The following C2orf81 variants were observed in gnomAD, a reference collection of about 807,000 sequenced individuals.
C2orf81 encodes uncharacterized protein C2orf81.
Under a neutral mutation model 7.9 loss-of-function variants are expected in C2orf81, and 5 were observed. That is an observed-to-expected ratio of 0.63 (90% CI 0.33 to 1.33). The LOEUF (loss-of-function observed/expected upper bound fraction) is 1.33, where lower values mean the gene tolerates loss of function less well. Among genes scored for constraint, C2orf81 ranks in the 40% most tolerant of loss-of-function variants. The probability of loss-of-function intolerance (pLI) is 0.05; values close to 1 mark genes in which losing one functional copy is unlikely to be tolerated. For missense variants in C2orf81, 781 were observed against 830.4 expected (o/e 0.94, Z 0.73); for synonymous variants, 346 against 367.4 (o/e 0.94, Z 0.66).
Position 74,414,533 on chromosome 2 carries a change from C to A in C2orf81, c.1644G>T (p.Pro548=), listed in dbSNP as rs1473208486. ...DPGRWPRTTP[P]VLEATSQVMW... ...TCACCTGGGAAGTGGCTTCAAGGAC[C>A]GGGGGTGTGGTTCGAGGCCATCTGC... Residue 548 remains proline, a synonymous_variant, in exon 3 of 3, where the codon CCG becomes CCT. Transcript: ENST00000684111. This position sits in a 1 kb window ranked among gnomAD's most constrained non-coding sequence, Gnocchi z 5.3. 2 of 1,543,734 alleles carry A rather than the reference C, an allele frequency of 1.3e-6. No individual in the cohort carries two copies. Among genetic ancestry groups the A allele is most frequent in the Non-Finnish European group, 8.8e-7 (1 of 1,141,808 alleles).
Position 74,414,227 on chromosome 2 carries a change from C to A in C2orf81, c.*102G>T. On this transcript the variant is annotated 3_prime_UTR_variant, in exon 3 of 3. Transcript: ENST00000684111. The surrounding 1 kb of genome is among the most constrained non-coding windows in gnomAD (Gnocchi z 5.3). Reference sequence around the variant, plus strand: ...TATTTCTGGCTAGCAGAGGGAGGGACCAGTTACTACTGCCAGAGGCTCAGG... The same window carrying A: ...TATTTCTGGCTAGCAGAGGGAGGGAACAGTTACTACTGCCAGAGGCTCAGG... 1 of 1,190,534 alleles carries A rather than the reference C, an allele frequency of 8.4e-7. No homozygotes were observed. The highest frequency in any genetic ancestry group is 1.1e-6 in the Non-Finnish European group (1 of 903,814). 73.7% of individuals were successfully genotyped at this position (1,190,534 alleles called of 1,614,324 possible). A position where few individuals can be genotyped will look rare whatever the true frequency, so the allele number is the denominator to read the frequency against.
At chr2:74,418,919 G>A (rs1676535062) in intron 1 of C2orf81, among the ~76,000 whole-genome samples, 2 of 151,168 alleles carry the variant, frequency 1.3e-5, no homozygotes, top group Admixed American at 6.6e-5. Context: ...AGTGGCTCAC[G>A]CCTGTAATCC....
At chr2:74,418,535 C>T in intron 1 of C2orf81, 1 of 839,718 alleles carries the variant, frequency 1.2e-6, no homozygotes, top group Non-Finnish European at 2.0e-6. Flanking sequence ...TTGCCGGGAG[C>T]AGCGGTGCTG....
rs1676378580 is a variant in C2orf81, at chr2:74,414,425, G to A, written c.1752C>T (p.Leu584=). 1.3e-6 allele frequency: 2 copies of A among 1,550,614 alleles called. No homozygotes were observed. The highest frequency in any genetic ancestry group is 1.7e-6 in the Non-Finnish European group (2 of 1,146,362). The change falls in exon 3 of 3, where the codon CTC becomes CTT. Residue 584 remains leucine (L), a synonymous_variant. Coordinates refer to ENST00000684111, the MANE Select transcript of C2orf81 (RefSeq NM_001316764.3). This position sits in a 1 kb window ranked among gnomAD's most constrained non-coding sequence, Gnocchi z 5.3. ...CCTCTTGTTCAGGCACACCAGAGCTGAGCAACACCTGGGTGCTCCGGTTCC... is the reference window on the plus strand; with the variant it reads ...CCTCTTGTTCAGGCACACCAGAGCTAAGCAACACCTGGGTGCTCCGGTTCC... ...SMWNRSTQVL[L]SSGVPEQEDK...
At position 74,417,894 on chromosome 2, in the gene C2orf81, C is replaced by T. The variant is rs372687787; in HGVS notation, c.19-1653G>A. Among the ~76,000 whole-genome samples, 147 of 84,324 alleles carry T rather than the reference C, an allele frequency of 1.7e-3. 1 individual carries two copies. Among genetic ancestry groups the T allele is most frequent in the African/African-American group, 6.3e-3 (140 of 22,070 alleles). The allele number at this position is 84,324 out of a possible 152,430, so 55.3% of individuals were successfully genotyped here. On this transcript the variant is annotated intron_variant, in intron 1 of 2. Coordinates refer to ENST00000684111, the MANE Select transcript of C2orf81 (RefSeq NM_001316764.3). ...GGGCACATGTGTATGAGTGGGTGGA[C>T]GGGGGGAGGAGGGGGTAGGGATGGG...
chr2:74,421,454 G>T (rs1676612354), intron 1 of C2orf81, 89 bp downstream of exon 1: 2 of 302,858 alleles, frequency 6.6e-6, no homozygotes, highest in African/African-American at 4.3e-5. Context: ...TAGGGGCACT[G>T]GGCGGCCCAG....
At chr2:74,419,972 G>A (rs112889343) in intron 1 of C2orf81, among the ~76,000 whole-genome samples, 7,265 of 152,086 alleles carry the variant, frequency 0.048, 243 homozygotes, top group Middle Eastern at 0.099. Flanking sequence ...ATGGGGTTTC[G>A]CCATGTTGGC....
chr2:74,415,337 C>A lies in C2orf81; in HGVS notation c.840G>T (p.Leu280=), dbSNP rs1338542279. 1 of 1,536,312 alleles carries A rather than the reference C, an allele frequency of 6.5e-7. No individual in the cohort carries two copies. Among genetic ancestry groups the A allele is most frequent in the Non-Finnish European group, 8.8e-7 (1 of 1,138,056 alleles). Residue 280 remains leucine, a synonymous_variant, in exon 3 of 3, where the codon CTG becomes CTT. Coordinates refer to ENST00000684111, the MANE Select transcript of C2orf81 (RefSeq NM_001316764.3). This position sits in a 1 kb window ranked among gnomAD's most constrained non-coding sequence, Gnocchi z 5.5. ...CAGTTGAGGCCTGGGGGCTGGCTAC[C>A]AGGTACGGATCCAGAGAAGGGTCGG... is the stretch of plus-strand genomic sequence containing the variant. ...DDADPSLDPY[L]VASPQASTGR... is the part of the protein sequence containing the mutation.
intron 1 of C2orf81, chr2:74,417,789 G>T: frequency 1.9e-6 from 1 of 520,774 alleles, no homozygotes; most frequent in Admixed American, 2.5e-5. Flanking sequence ...CAAAAGCCCA[G>T]AGAGCAATGT....
intron 1 of C2orf81, chr2:74,417,752 G>T: frequency 1.9e-6 from 1 of 521,090 alleles, no homozygotes. Flanking sequence ...AGGCAACAGT[G>T]GAGGAGCAGA....
At chr2:74,419,097 C>G (rs1486583554) in intron 1 of C2orf81, among the ~76,000 whole-genome samples, 2 of 151,988 alleles carry the variant, frequency 1.3e-5, no homozygotes, top group East Asian at 3.8e-4. Context: ...ACGAGAATCA[C>G]TTGAACCCGG....
chr2:74,417,377 C>G (rs1398714223), intron 1 of C2orf81: 4 of 1,308,388 alleles, frequency 3.1e-6, no homozygotes, highest in Non-Finnish European at 4.0e-6. Context: ...GCTCATGGGC[C>G]TCACCTGGAC....
intron 1 of C2orf81, chr2:74,418,147 G>A (rs1030663830): frequency 2.2e-6 from 2 of 922,288 alleles, no homozygotes; most frequent in African/African-American, 1.6e-5. Context: ...GGACTCCTGC[G>A]AGATGCCCTT....
At position 74,414,443 on chromosome 2, in the gene C2orf81, C is replaced by T; in HGVS notation, c.1734G>A (p.Arg578=). 6.4e-7 allele frequency: 1 copy of T among 1,551,226 alleles called. No homozygotes were observed. The highest frequency in any genetic ancestry group is 2.0e-5 in the Admixed American group (1 of 50,970). The change falls in exon 3 of 3, where the codon CGG becomes CGA. Residue 578 remains arginine (R), a synonymous_variant. Coordinates refer to ENST00000684111, the MANE Select transcript of C2orf81 (RefSeq NM_001316764.3). The surrounding 1 kb of genome is among the most constrained non-coding windows in gnomAD (Gnocchi z 5.3). The stretch of plus-strand genomic sequence containing the variant: ...CAGAGCTGAGCAACACCTGGGTGCT[C>T]CGGTTCCACATGCTCACACCAGGGG... The part of the protein sequence containing the change: ...KLAPGVSMWN[R]STQVLLSSGV...
rs1327622776 is a variant in C2orf81 at position 74,415,228 on chromosome 2, G to C, written c.949C>G (p.Leu317Val). 1 of 1,551,202 alleles carries C rather than the reference G, an allele frequency of 6.4e-7. No individual in the cohort carries two copies. Among genetic ancestry groups the C allele is most frequent in the Non-Finnish European group, 8.7e-7 (1 of 1,146,984 alleles). The change falls in exon 3 of 3, where the codon CTG (leucine) becomes GTG (valine). Residue 317 changes from leucine (L) to valine (V), a missense_variant. Transcript: ENST00000684111. This position sits in a 1 kb window ranked among gnomAD's most constrained non-coding sequence, Gnocchi z 5.5. ...GGCACCCCCTCTGACCTGAGTTCCA[G>C]CCGATCCCCAGCCGCGTCCAGTTGA... ...MPQLDAAGDRLELRSEGVPCI... is the reference protein window; with the variant it reads ...MPQLDAAGDRVELRSEGVPCI...
intron 1 of C2orf81, chr2:74,417,340 C>T: frequency 7.7e-7 from 1 of 1,304,920 alleles, no homozygotes; most frequent in African/African-American, 1.5e-5. Flanking sequence ...GGAGCAGCCC[C>T]AGCCCACCTC....
In C2orf81 at chr2:74,421,569, C is replaced by T. The variant is rs1294298785; in HGVS notation, c.-9G>A. The stretch of plus-strand genomic sequence containing the variant: ...GAGCCTTCGTGCGCCATCGCCAACG[C>T]GGTCGCAGCAACGCTGGTGTTTCTG... On this transcript the variant is annotated 5_prime_UTR_variant, in exon 1 of 3. Coordinates refer to ENST00000684111, the MANE Select transcript of C2orf81 (RefSeq NM_001316764.3). 1 of 410,270 alleles carries T rather than the reference C, an allele frequency of 2.4e-6. No homozygotes were observed. Among genetic ancestry groups the T allele is most frequent in the South Asian group, 8.6e-5 (1 of 11,668 alleles). 25.4% of individuals were successfully genotyped at this position (410,270 alleles called of 1,614,324 possible). A position where few individuals can be genotyped will look rare whatever the true frequency, so the allele number is the denominator to read the frequency against.
In C2orf81 at chr2:74,414,708, G is replaced by T. The variant is rs748547145; in HGVS notation, c.1469C>A (p.Ala490Asp). ...LTTHPVLPDV[A>D]RSRSPKLWPS... is the part of the protein sequence containing the mutation. ...CCACAGCTTGGGGCTGCGGCTGCGG[G>T]CCACATCAGGGAGCACCGGGTGTGT... is the stretch of plus-strand genomic sequence containing the variant. The change falls in exon 3 of 3, where the codon GCC (alanine) becomes GAC (aspartate). Residue 490 changes from alanine (A) to aspartate (D), a missense_variant. Ala to Asp is a moderately radical substitution (Grantham distance 126). Coordinates refer to ENST00000684111, the MANE Select transcript of C2orf81 (RefSeq NM_001316764.3). The surrounding 1 kb of genome is among the most constrained non-coding windows in gnomAD (Gnocchi z 5.3). The T allele has an allele frequency of 7.8e-6, 12 of 1,544,460 alleles. No individual in the cohort carries two copies. The African/African-American group carries it at 1.4e-4, about 18-fold the overall frequency.
At chr2:74,419,598 T>C (rs1246914167) in intron 1 of C2orf81, among the ~76,000 whole-genome samples, 1 of 152,200 alleles carries the variant, frequency 6.6e-6, no homozygotes, top group Non-Finnish European at 1.5e-5. Flanking sequence ...GTTCTATAAA[T>C]ACAACCAAAA....
Sources: gnomAD v4.1 joint callset for allele counts (sites outside exome capture counted in the v4.1 genomes callset) on GRCh38, gnomAD v4.1.1 for gene constraint, Gnocchi (gnomAD v3.1) non-coding constraint, MANE v1.5 for transcripts, NCBI Gene and HGNC (gene_info 2026-07-23, HGNC 2026-07-21) for gene names.